GPR39: variants seen among roughly 807,000 people sequenced by gnomAD.
GPR39 encodes G protein-coupled receptor 39.
A neutral mutation model predicts 18.4 loss-of-function variants in GPR39; 23 were observed. That is an observed-to-expected ratio of 1.25 (90% CI 0.90 to 1.77). The LOEUF is 1.77. GPR39 is among the 40% of genes most tolerant of loss of function. GPR39 has a pLI of 0.00. For missense variants in GPR39, 647 were observed against 602.4 expected, an observed-to-expected ratio of 1.07 and a Z score of -0.78; for synonymous variants, 280 against 257.9, an observed-to-expected ratio of 1.09 and a Z score of -0.82.
In GPR39 at chr2:132,576,973, A is replaced by G. The variant is rs534822100; in HGVS notation, c.857-68128A>G. 4.6e-5 allele frequency among the ~76,000 whole-genome samples: 7 copies of G among 152,204 alleles called. No individual in the cohort carries two copies. In the East Asian group the frequency reaches 1.4e-3, roughly 29 times the overall value. ...TTTTGTTTTATTGATCTATATGACT[A>G]TACCTCTACCAATACCACATTCTTG... On this transcript the variant is annotated intron_variant, in intron 1 of 1. Transcript: ENST00000329321.
chr2:132,422,144 C>T (rs1044998843), intron 1 of GPR39, among the ~76,000 whole-genome samples: 4 of 152,122 alleles, frequency 2.6e-5, no homozygotes, highest in Admixed American at 6.6e-5. Flanking sequence ...TTTATTTTCT[C>T]AGTAAGATTA....
At chr2:132,582,915 C>CTTTTTTTTT (rs5834320) in intron 1 of GPR39, among the ~76,000 whole-genome samples, 12 of 101,580 alleles carry the variant, frequency 1.2e-4, no homozygotes, top group Non-Finnish European at 2.1e-4. Context: ...TTCTTTCTTT[C>CTTTTTTTTT]TTTTTTTTTT....
At chr2:132,438,543 A>G (rs1301670709) in intron 1 of GPR39, among the ~76,000 whole-genome samples, 3 of 136,810 alleles carry the variant, frequency 2.2e-5, no homozygotes, top group African/African-American at 8.3e-5. Context: ...CTGTTTCTAT[A>G]TAGCTCATGA....
intron 1 of GPR39, among the ~76,000 whole-genome samples, chr2:132,525,862 C>A (rs947048309): frequency 6.6e-6 from 1 of 151,994 alleles, no homozygotes; most frequent in African/African-American, 2.4e-5. Context: ...GCTGCTGGGG[C>A]CCAAAAAAGG....
chr2:132,529,759 C>T (rs964071235), intron 1 of GPR39, among the ~76,000 whole-genome samples: 1 of 152,184 alleles, frequency 6.6e-6, no homozygotes, highest in Non-Finnish European at 1.5e-5. Context: ...GAGTGGACCT[C>T]CAGCAACCTC....
intron 1 of GPR39, among the ~76,000 whole-genome samples, chr2:132,566,419 G>A (rs955965446): frequency 2.0e-4 from 30 of 151,938 alleles, no homozygotes; most frequent in Admixed American, 1.4e-3. Flanking sequence ...GATCCCATTT[G>A]TCAATTTTGG....
chr2:132,619,375 A>G (rs1004132963), intron 1 of GPR39, among the ~76,000 whole-genome samples: 1 of 152,096 alleles, frequency 6.6e-6, no homozygotes, highest in African/African-American at 2.4e-5. Context: ...TTGCCCACCG[A>G]GCGTGTCTTT....
At chr2:132,530,377 G>A (rs1041354271) in intron 1 of GPR39, among the ~76,000 whole-genome samples, 1 of 152,198 alleles carries the variant, frequency 6.6e-6, no homozygotes, top group Non-Finnish European at 1.5e-5. Context: ...ATCTACATCA[G>A]ATTGGTGTAC....
At chr2:132,545,653 GGCGTGTGT>G (rs1297052129) in intron 1 of GPR39, among the ~76,000 whole-genome samples, 3 of 134,788 alleles carry the variant, frequency 2.2e-5, no homozygotes, top group South Asian at 2.5e-4. Context: ...ATGTGTGATG[GGCGTGTGT>G]GTGTGTGTGT....
At chr2:132,546,141 A>G (rs1679944864) in intron 1 of GPR39, among the ~76,000 whole-genome samples, 1 of 152,208 alleles carries the variant, frequency 6.6e-6, no homozygotes, top group African/African-American at 2.4e-5. Flanking sequence ...GTGGAGAAAA[A>G]TGGGATTCAT....
Position 132,476,691 on chromosome 2 carries a change from G to A in GPR39, c.856+58793G>A, listed in dbSNP as rs1036852960. On this transcript the variant is annotated intron_variant, in intron 1 of 1. Coordinates refer to ENST00000329321, the MANE Select transcript of GPR39 (RefSeq NM_001508.3). ...AGATATGTAAAGATATGTTCCCAGG[G>A]CACTGATAACATGGCGGGAAAAGGA... is the stretch of plus-strand genomic sequence containing the variant. 4.7e-5 allele frequency among the ~76,000 whole-genome samples: 7 copies of A among 150,334 alleles called. No homozygotes were observed. In the South Asian group the frequency reaches 1.3e-3, roughly 27 times the overall value.
At chr2:132,454,663 C>T (rs2104773001) in intron 1 of GPR39, among the ~76,000 whole-genome samples, 1 of 152,174 alleles carries the variant, frequency 6.6e-6, no homozygotes, top group East Asian at 1.9e-4. Context: ...TCCATCAATA[C>T]CTAGTTTATT....
At chr2:132,634,635 C>G (rs1433149934) in intron 1 of GPR39, among the ~76,000 whole-genome samples, 1 of 152,218 alleles carries the variant, frequency 6.6e-6, no homozygotes, top group Non-Finnish European at 1.5e-5. Flanking sequence ...CTGCACACGT[C>G]CTCTAAGTAC....
intron 1 of GPR39, among the ~76,000 whole-genome samples, chr2:132,465,249 C>G (rs112528338): frequency 2.0e-5 from 3 of 152,208 alleles, no homozygotes; most frequent in African/African-American, 7.2e-5. Context: ...CTGGACAAAT[C>G]TGTAAGGATA....
At chr2:132,472,028 T>C (rs1005099484) in intron 1 of GPR39, among the ~76,000 whole-genome samples, 1 of 152,144 alleles carries the variant, frequency 6.6e-6, no homozygotes, top group South Asian at 2.1e-4. Flanking sequence ...TGGTGCCATA[T>C]TGAGGACTCA....
chr2:132,477,440 C>T (rs1434014685), intron 1 of GPR39, among the ~76,000 whole-genome samples: 2 of 152,134 alleles, frequency 1.3e-5, no homozygotes, highest in Non-Finnish European at 2.9e-5. Context: ...GTAGCGCATG[C>T]CTGTGGTCCC....
At chr2:132,555,071 C>T (rs1680122677) in intron 1 of GPR39, among the ~76,000 whole-genome samples, 1 of 152,086 alleles carries the variant, frequency 6.6e-6, no homozygotes, top group African/African-American at 2.4e-5. Context: ...CCTGCCTCAG[C>T]CTCCCGAGTA....
chr2:132,624,648 T>C (rs1284569018), intron 1 of GPR39, among the ~76,000 whole-genome samples: 2 of 152,206 alleles, frequency 1.3e-5, no homozygotes, highest in Non-Finnish European at 2.9e-5. Context: ...GCTTCTCTTG[T>C]TTTTGTAGTT....
chr2:132,455,175 T>C (rs996401159), intron 1 of GPR39, among the ~76,000 whole-genome samples: 2 of 152,232 alleles, frequency 1.3e-5, no homozygotes. Context: ...AATTGGTCTT[T>C]TCAGAGATTC....
Sources: allele counts gnomAD v4.1 joint callset (sites outside exome capture counted in the v4.1 genomes callset), GRCh38; gene constraint gnomAD v4.1.1; transcripts MANE v1.5; gene names NCBI Gene and HGNC (gene_info 2026-07-23, HGNC 2026-07-21).